Variants in ZNF385D observed in about 807,000 individuals in gnomAD.
ZNF385D encodes the protein zinc finger protein 385D.
Under a neutral mutation model 35.8 loss-of-function variants are expected in ZNF385D, and 15 were observed. That is an observed-to-expected ratio of 0.42 (90% CI 0.28 to 0.64). ZNF385D has a LOEUF of 0.64. Ranked by LOEUF, ZNF385D falls within the 30% of genes least tolerant of loss-of-function variation. The pLI is 0.23. For synonymous variants in ZNF385D, 212 were observed against 186.8 expected, an observed-to-expected ratio of 1.13 and a Z score of -1.10; for missense variants, 474 against 494.6, an observed-to-expected ratio of 0.96 and a Z score of 0.39.
intron 1 of ZNF385D, among the ~76,000 whole-genome samples, chr3:21,734,549 A>G (rs2069157805): frequency 6.6e-6 from 1 of 152,074 alleles, no homozygotes. Context: ...GAAAAAAAAA[A>G]CTATGCATCA....
chr3:22,020,677 A>G (rs1437373185), intron 3 of ZNF385D, among the ~76,000 whole-genome samples: 2 of 152,020 alleles, frequency 1.3e-5, no homozygotes, highest in Non-Finnish European at 2.9e-5. Context: ...ACTGTTGGTT[A>G]GAATGCAAAT....
At chr3:21,815,557 C>T (rs1196506393) in intron 3 of ZNF385D, among the ~76,000 whole-genome samples, 1 of 152,138 alleles carries the variant, frequency 6.6e-6, no homozygotes, top group Non-Finnish European at 1.5e-5. Context: ...AACACCTCTC[C>T]ACAAATAAAC....
At chr3:21,984,505 G>A (rs1361978217) in intron 3 of ZNF385D, among the ~76,000 whole-genome samples, 1 of 131,510 alleles carries the variant, frequency 7.6e-6, no homozygotes, top group Non-Finnish European at 1.6e-5. Flanking sequence ...TGAGGGCTCT[G>A]TTCTGTTCCA....
intron 4 of ZNF385D, among the ~76,000 whole-genome samples, chr3:21,451,744 C>T (rs1702473795): frequency 6.6e-6 from 1 of 152,090 alleles, no homozygotes; most frequent in South Asian, 2.1e-4. Context: ...ATCCACTTCT[C>T]TGTTTTTATC....
intron 2 of ZNF385D, among the ~76,000 whole-genome samples, chr3:22,303,663 G>A (rs1465143146): frequency 2.0e-5 from 3 of 152,080 alleles, no homozygotes; most frequent in Non-Finnish European, 4.4e-5. Context: ...CCGGTGATTT[G>A]ACTTTTTATG....
chr3:21,883,642 G>A (rs1698392697), intron 3 of ZNF385D, among the ~76,000 whole-genome samples: 1 of 152,020 alleles, frequency 6.6e-6, no homozygotes. Context: ...GAAATGATGA[G>A]AAATGCGTTT....
chr3:22,005,214 C>T (rs192967294), intron 3 of ZNF385D, among the ~76,000 whole-genome samples: 2 of 151,596 alleles, frequency 1.3e-5, no homozygotes, highest in East Asian at 3.9e-4. Context: ...CACAGAAATA[C>T]AAATTAAAAC....
intron 3 of ZNF385D, among the ~76,000 whole-genome samples, chr3:21,516,834 AT>A (rs1052275462): frequency 2.0e-5 from 3 of 151,854 alleles, no homozygotes; most frequent in Non-Finnish European, 4.4e-5. Flanking sequence ...TAGAGGAATG[AT>A]TTTTTTCTTC....
intron 3 of ZNF385D, among the ~76,000 whole-genome samples, chr3:21,972,410 A>C (rs972090357): frequency 2.0e-5 from 3 of 151,966 alleles, no homozygotes; most frequent in Non-Finnish European, 2.9e-5. Flanking sequence ...ACAACATACA[A>C]AAACTTACGG....
intron 2 of ZNF385D, among the ~76,000 whole-genome samples, chr3:21,659,022 C>T (rs2066156612): frequency 1.3e-5 from 2 of 151,954 alleles, no homozygotes; most frequent in South Asian, 4.1e-4. Context: ...AACCATTCTT[C>T]CTCCTCCTTC....
Position 22,259,847 on chromosome 3 carries a change from C to A in ZNF385D, c.107-90812G>T, listed in dbSNP as rs1700529204. 2.7e-5 allele frequency among the ~76,000 whole-genome samples: 4 copies of A among 149,874 alleles called. No homozygotes were observed. In the South Asian group the frequency reaches 8.5e-4, roughly 32 times the overall value. ...CCAACATAGTGAGGAAAAAAAAAAACTAATACAAATGTTGGTTTTATTCCA... is the reference window on the plus strand; with the variant it reads ...CCAACATAGTGAGGAAAAAAAAAAAATAATACAAATGTTGGTTTTATTCCA... On this transcript the variant is annotated intron_variant, in intron 2 of 5. Coordinates refer to the ZNF385D transcript ENST00000494108.
chr3:21,512,620 A>T (rs1310751184), intron 3 of ZNF385D, among the ~76,000 whole-genome samples: 1 of 152,232 alleles, frequency 6.6e-6, no homozygotes, highest in African/African-American at 2.4e-5. Flanking sequence ...GAGCACACTC[A>T]TGCATCAGTT....
chr3:22,294,837 T>C (rs1423847709), intron 2 of ZNF385D, among the ~76,000 whole-genome samples: 1 of 152,130 alleles, frequency 6.6e-6, no homozygotes, highest in Non-Finnish European at 1.5e-5. Flanking sequence ...GTTACTAAAT[T>C]GTAAAGCCTT....
chr3:21,942,939 T>C (rs1301638834), intron 3 of ZNF385D, among the ~76,000 whole-genome samples: 1 of 152,180 alleles, frequency 6.6e-6, no homozygotes, highest in Admixed American at 6.5e-5. Flanking sequence ...TTATTTTGCC[T>C]TGTAAGATGT....
intron 5 of ZNF385D, among the ~76,000 whole-genome samples, chr3:21,426,352 G>A (rs1040889079): frequency 4.6e-5 from 7 of 152,084 alleles, no homozygotes; most frequent in Non-Finnish European, 1.0e-4. Flanking sequence ...ATACACGATG[G>A]ATAACTGCTT....
chr3:21,763,242 T>C (rs1277236472), intron 3 of ZNF385D, among the ~76,000 whole-genome samples: 1 of 152,160 alleles, frequency 6.6e-6, no homozygotes, highest in Non-Finnish European at 1.5e-5. Context: ...CTGTGTACTC[T>C]GTCTGAGTAA....
chr3:21,677,669 G>A (rs1203540155), intron 1 of ZNF385D, among the ~76,000 whole-genome samples: 1 of 151,950 alleles, frequency 6.6e-6, no homozygotes, highest in Non-Finnish European at 1.5e-5. Context: ...GGATCATATA[G>A]ACTGAATTAT....
chr3:21,913,378 A>G (rs1318121512), intron 3 of ZNF385D, among the ~76,000 whole-genome samples: 1 of 152,118 alleles, frequency 6.6e-6, no homozygotes. Context: ...AAAAATTGGC[A>G]CATTCCATTT....
chr3:22,167,254 T>C (rs1479025998), intron 3 of ZNF385D, among the ~76,000 whole-genome samples: 2 of 152,232 alleles, frequency 1.3e-5, no homozygotes, highest in East Asian at 3.9e-4. Flanking sequence ...TAATTGGTTT[T>C]CTACACTTCT....
Sources: allele counts gnomAD v4.1 joint callset (sites outside exome capture counted in the v4.1 genomes callset), GRCh38; gene constraint gnomAD v4.1.1; transcripts MANE v1.5; gene names NCBI Gene and HGNC (gene_info 2026-07-23, HGNC 2026-07-21).